Variants in KPNA1 observed in about 807,000 individuals in gnomAD.
The protein encoded by KPNA1 is karyopherin subunit alpha 1, also known as importin subunit alpha-5.
In KPNA1, 10 loss-of-function variants were observed where a neutral mutation model predicts 70.5. The observed-to-expected ratio is 0.14, with a 90% confidence interval of 0.09 to 0.24. The LOEUF (loss-of-function observed/expected upper bound fraction) is 0.24, where lower values mean the gene tolerates loss of function less well. Among genes scored for constraint, KPNA1 ranks in the 10% least tolerant of loss-of-function variants. The pLI is 1.00. For synonymous variants in KPNA1, 192 were observed against 221.9 expected (o/e 0.87, Z 1.20); for missense variants, 397 against 637.9 (o/e 0.62, Z 4.07).
intron 2 of KPNA1, among the ~76,000 whole-genome samples, chr3:122,484,005 T>C (rs1021226919): frequency 6.6e-6 from 1 of 152,236 alleles, no homozygotes; most frequent in Non-Finnish European, 1.5e-5. Context: ...AAACCACTCC[T>C]TGATCATGGC....
chr3:122,427,981 T>C (rs987612031), intron 12 of KPNA1, among the ~76,000 whole-genome samples: 1 of 151,710 alleles, frequency 6.6e-6, no homozygotes, highest in Non-Finnish European at 1.5e-5. Flanking sequence ...GAATACTTAC[T>C]TATTAATACC....
At chr3:122,484,546 T>G (rs2076607333) in intron 2 of KPNA1, among the ~76,000 whole-genome samples, 1 of 151,850 alleles carries the variant, frequency 6.6e-6, no homozygotes, top group Admixed American at 6.6e-5. Context: ...CTTGAGAGGC[T>G]GAAGCAGAAT....
At chr3:122,462,958 C>G (rs2076340501) in intron 4 of KPNA1, among the ~76,000 whole-genome samples, 1 of 152,098 alleles carries the variant, frequency 6.6e-6, no homozygotes. Flanking sequence ...TGCGGTGGCT[C>G]ATGCCTGTAA....
intron 1 of KPNA1, among the ~76,000 whole-genome samples, chr3:122,504,087 T>C (rs2076860715): frequency 1.3e-5 from 2 of 152,254 alleles, no homozygotes; most frequent in African/African-American, 4.8e-5. Flanking sequence ...TGAACCATAA[T>C]GTAAACCATG....
At chr3:122,463,031 A>G (rs767987601) in intron 4 of KPNA1, among the ~76,000 whole-genome samples, 2 of 152,152 alleles carry the variant, frequency 1.3e-5, no homozygotes, top group Non-Finnish European at 2.9e-5. Context: ...CATCCTGGCC[A>G]ACATGGTGAA....
At chr3:122,504,314 T>C (rs1484116151) in intron 1 of KPNA1, among the ~76,000 whole-genome samples, 1 of 152,178 alleles carries the variant, frequency 6.6e-6, no homozygotes, top group Non-Finnish European at 1.5e-5. Context: ...TTTTTCACTG[T>C]GTATTCACAT....
At chr3:122,500,066 T>G (rs1316566670) in intron 1 of KPNA1, among the ~76,000 whole-genome samples, 1 of 152,210 alleles carries the variant, frequency 6.6e-6, no homozygotes. Context: ...TTCCAAAAAT[T>G]TGTGCACTTC....
At chr3:122,502,755 C>A (rs2076843240) in intron 1 of KPNA1, among the ~76,000 whole-genome samples, 1 of 152,116 alleles carries the variant, frequency 6.6e-6, no homozygotes, top group African/African-American at 2.4e-5. Flanking sequence ...TTTCCTGAAG[C>A]AGGCAGCATT....
chr3:122,509,854 A>G (rs538946809), intron 1 of KPNA1, among the ~76,000 whole-genome samples: 1 of 152,310 alleles, frequency 6.6e-6, no homozygotes, highest in East Asian at 1.9e-4. Context: ...TTCGAGAACT[A>G]AAGGACATGA....
At chr3:122,461,641 T>C (rs192949991) in intron 4 of KPNA1, among the ~76,000 whole-genome samples, 262 of 152,368 alleles carry the variant, frequency 1.7e-3, no homozygotes, top group Middle Eastern at 3.4e-3. Flanking sequence ...TGTTCTGGTA[T>C]ACTTCCTTCT....
At chr3:122,461,174 A>C (rs752232205) in intron 5 of KPNA1, 50 bp downstream of exon 5, 2 of 1,203,376 alleles carry the variant, frequency 1.7e-6, no homozygotes, top group Non-Finnish European at 2.4e-6. Flanking sequence ...CAAAATAAAA[A>C]TTTTCAAAAG....
intron 2 of KPNA1, among the ~76,000 whole-genome samples, chr3:122,472,810 C>T (rs1472726766): frequency 6.6e-6 from 1 of 152,138 alleles, no homozygotes; most frequent in Non-Finnish European, 1.5e-5. Context: ...GCACAGTATA[C>T]TGGCTCACAC....
At chr3:122,492,290 A>G (rs543799014) in intron 2 of KPNA1, among the ~76,000 whole-genome samples, 201 of 152,322 alleles carry the variant, frequency 1.3e-3, no homozygotes, top group African/African-American at 4.8e-3. Context: ...TAGAAAGAAC[A>G]CTAATTCAGA....
In KPNA1 at chr3:122,467,377, A is replaced by G; in HGVS notation, c.182T>C (p.Val61Ala). ...ATAEEETEEE[V>A]MSDGGFHEAQ... ...CTCATGAAAGCCTCCATCTGACATA[A>G]CTTCTTCTTCTGTTTCTTCTTCTGC... The change falls in exon 3 of 14, where the codon GTT (valine) becomes GCT (alanine). Residue 61 changes from valine (V) to alanine (A), a missense_variant. Physicochemically the swap from Val to Ala is moderately conservative, Grantham distance 64. Coordinates refer to ENST00000344337, the MANE Select transcript of KPNA1 (RefSeq NM_002264.4). 1 of 1,610,750 alleles carries G rather than the reference A, an allele frequency of 6.2e-7. No individual in the cohort carries two copies. Among genetic ancestry groups the G allele is most frequent in the Non-Finnish European group, 8.5e-7 (1 of 1,177,762 alleles).
chr3:122,514,829 C>T lies in KPNA1; in HGVS notation c.-78G>A. Reference sequence around the variant, plus strand: ...CGCTCGCCCGCCCGCCGTGCCACTCCCGCGCACAACCTCGAAGAGCTGGCC... The same window carrying T: ...CGCTCGCCCGCCCGCCGTGCCACTCTCGCGCACAACCTCGAAGAGCTGGCC... On this transcript the variant is annotated 5_prime_UTR_variant, in exon 1 of 14. Transcript: ENST00000344337. The T allele has an allele frequency of 6.5e-6, 1 of 153,330 alleles. No homozygotes were observed. The highest frequency in any genetic ancestry group is 1.5e-5 in the Non-Finnish European group (1 of 68,908). 9.5% of individuals were successfully genotyped at this position (153,330 alleles called of 1,614,324 possible). A position where few individuals can be genotyped will look rare whatever the true frequency, so the allele number is the denominator to read the frequency against.
intron 1 of KPNA1, among the ~76,000 whole-genome samples, chr3:122,508,030 GTCAT>G (rs1429819355): frequency 6.6e-6 from 1 of 152,052 alleles, no homozygotes; most frequent in African/African-American, 2.4e-5. Flanking sequence ...GCACACAGTG[GTCAT>G]TCAAATGCTG....
Position 122,453,757 on chromosome 3 carries a change from G to A in KPNA1, c.564+113C>T, listed in dbSNP as rs186169811. ...TCACCATGTTGGCTAGGCTGGTCTC[G>A]AACTCCTCGTGATCCACCCACCTTG... On this transcript the variant is annotated intron_variant, in intron 6 of 13. Coordinates refer to ENST00000344337, the MANE Select transcript of KPNA1 (RefSeq NM_002264.4). 6.3e-5 allele frequency: 61 copies of A among 965,874 alleles called. No homozygotes were observed. In the African/African-American group the frequency reaches 8.2e-4, roughly 13 times the overall value. The allele number at this position is 965,874 out of a possible 1,614,324, so 59.8% of individuals were successfully genotyped here.
intron 2 of KPNA1, among the ~76,000 whole-genome samples, chr3:122,495,691 C>A (rs1306568696): frequency 9.4e-6 from 1 of 106,516 alleles, no homozygotes. Context: ...TAGTGAGGGT[C>A]AAATGGTCCT....
At chr3:122,491,421 C>A (rs143008002) in intron 2 of KPNA1, among the ~76,000 whole-genome samples, 1 of 152,302 alleles carries the variant, frequency 6.6e-6, no homozygotes, top group Non-Finnish European at 1.5e-5. Context: ...TGTACAACCA[C>A]TTTCAAGATA....
Sources: gnomAD v4.1 joint callset for allele counts (sites outside exome capture counted in the v4.1 genomes callset) on GRCh38, gnomAD v4.1.1 for gene constraint, MANE v1.5 for transcripts, NCBI Gene and HGNC (gene_info 2026-07-23, HGNC 2026-07-21) for gene names.